The following ERBIN variants were observed in gnomAD, a reference collection of about 807,000 sequenced individuals.
ERBIN encodes densin-180-like protein.
A neutral mutation model predicts 158.4 loss-of-function variants in ERBIN; 60 were observed. That is an observed-to-expected ratio of 0.38 (90% CI 0.31 to 0.47). The LOEUF (loss-of-function observed/expected upper bound fraction) is 0.47, where lower values mean the gene tolerates loss of function less well. Among genes scored for constraint, ERBIN ranks in the 20% least tolerant of loss-of-function variants. The probability of loss-of-function intolerance (pLI) is 0.99; values close to 1 mark genes in which losing one functional copy is unlikely to be tolerated. For missense variants in ERBIN, 1,610 were observed against 1,648.0 expected (o/e 0.98, Z 0.40); for synonymous variants, 594 against 557.2 (o/e 1.07, Z -0.93).
Position 66,079,105 on chromosome 5 carries a change from A to G in ERBIN, c.*575A>G, listed in dbSNP as rs1762256933. ...ACTAAAACAGTTATTTTCTATAAAA[A>G]TCTGGAAGCAAAGAATGGGGATGGG... On this transcript the variant is annotated 3_prime_UTR_variant, in exon 26 of 26. Coordinates refer to ENST00000284037, the MANE Select transcript of ERBIN (RefSeq NM_001253697.2). 6.5e-6 allele frequency: 1 copy of G among 152,774 alleles called. No individual in the cohort carries two copies. The highest frequency in any genetic ancestry group is 1.5e-5 in the Non-Finnish European group (1 of 68,122). 9.5% of individuals were successfully genotyped at this position (152,774 alleles called of 1,614,324 possible). A position where few individuals can be genotyped will look rare whatever the true frequency, so the allele number is the denominator to read the frequency against.
At chr5:66,014,326 C>T (rs1191072533) in intron 6 of ERBIN, among the ~76,000 whole-genome samples, 3 of 152,132 alleles carry the variant, frequency 2.0e-5, no homozygotes, top group Admixed American at 6.6e-5. Context: ...CTCAGAGCAG[C>T]ACTTTAGAGT....
intron 7 of ERBIN, 137 bp downstream of exon 7, chr5:66,014,862 T>C: frequency 5.9e-6 from 3 of 504,904 alleles, no homozygotes. Context: ...TCATATTTAA[T>C]TAATGGTGTT....
chr5:66,055,165 A>G, intron 21 of ERBIN: 2 of 1,183,858 alleles, frequency 1.7e-6, no homozygotes, highest in Non-Finnish European at 1.1e-6. Flanking sequence ...CACTGTTTCT[A>G]ACAAAAATGT....
Position 65,992,748 on chromosome 5 carries a change from G to T in ERBIN, c.30G>T (p.Arg10=). Residue 10 remains arginine (R), a synonymous_variant, in exon 3 of 26, where the codon CGG becomes CGT. Transcript: ENST00000284037. ...CTACAAAACGAAGTTTGTTTGTGCG[G>T]TTGGTACCATGTCGCTGTCTACGAG... MTTKRSLFV[R]LVPCRCLRGE... is the part of the protein sequence containing the mutation. The T allele has an allele frequency of 6.2e-7, 1 of 1,607,572 alleles. No individual in the cohort carries two copies. Among genetic ancestry groups the T allele is most frequent in the Non-Finnish European group, 8.5e-7 (1 of 1,178,100 alleles).
intron 1 of ERBIN, among the ~76,000 whole-genome samples, chr5:65,930,501 G>A (rs1185130524): frequency 6.6e-6 from 1 of 152,094 alleles, no homozygotes; most frequent in Non-Finnish European, 1.5e-5. Context: ...GTAGAGACGC[G>A]GTTTCACCGT....
intron 4 of ERBIN, among the ~76,000 whole-genome samples, chr5:66,010,141 G>GTCT (rs1256419774): frequency 6.6e-6 from 1 of 152,026 alleles, no homozygotes; most frequent in Non-Finnish European, 1.5e-5. Flanking sequence ...TGGGTCCTTA[G>GTCT]TCTTCCTCTC....
At chr5:65,990,464 G>A (rs1039697680) in intron 2 of ERBIN, among the ~76,000 whole-genome samples, 1 of 151,872 alleles carries the variant, frequency 6.6e-6, no homozygotes, top group Non-Finnish European at 1.5e-5. Context: ...GTCAGGAGAT[G>A]GAGACCATCC....
At chr5:65,930,599 C>T (rs1229642281) in intron 1 of ERBIN, among the ~76,000 whole-genome samples, 2 of 152,218 alleles carry the variant, frequency 1.3e-5, no homozygotes, top group African/African-American at 4.8e-5. Flanking sequence ...TGAGCCACCG[C>T]TCCCGGCCAT....
At chr5:66,049,323 C>G (rs1668652300) in intron 19 of ERBIN, among the ~76,000 whole-genome samples, 1 of 152,062 alleles carries the variant, frequency 6.6e-6, no homozygotes, top group South Asian at 2.1e-4. Context: ...CCCCTCCCCT[C>G]TAGCACCTGA....
rs1378640712 is a variant in ERBIN at position 66,079,948 on chromosome 5, T to TG, written c.*1420dup. 6.6e-6 allele frequency: 1 copy of TG among 152,164 alleles called. No homozygotes were observed. Among genetic ancestry groups the TG allele is most frequent in the African/African-American group, 2.4e-5 (1 of 41,446 alleles). 9.4% of individuals were successfully genotyped at this position (152,164 alleles called of 1,614,324 possible). A position where few individuals can be genotyped will look rare whatever the true frequency, so the allele number is the denominator to read the frequency against. ...CAAATAAAATTTGAGTAACATGTAATGGTAAGGATTAATGCATGGTTATTT... is the reference window on the plus strand; with the variant it reads ...CAAATAAAATTTGAGTAACATGTAATGGGTAAGGATTAATGCATGGTTATTT... On this transcript the variant is annotated 3_prime_UTR_variant, in exon 26 of 26. Coordinates refer to ENST00000284037, the MANE Select transcript of ERBIN (RefSeq NM_001253697.2).
At chr5:66,008,774 G>A (rs1330594873) in intron 4 of ERBIN, among the ~76,000 whole-genome samples, 1 of 152,134 alleles carries the variant, frequency 6.6e-6, no homozygotes, top group Non-Finnish European at 1.5e-5. Flanking sequence ...ATGCCAGTGA[G>A]AACTGTATAG....
At chr5:65,949,174 G>A (rs1345669417) in intron 1 of ERBIN, among the ~76,000 whole-genome samples, 1 of 152,084 alleles carries the variant, frequency 6.6e-6, no homozygotes, top group Non-Finnish European at 1.5e-5. Flanking sequence ...TTCTCCACAA[G>A]GGCTACTTGA....
At chr5:66,057,437 AAC>A (rs1371898924) in intron 21 of ERBIN, among the ~76,000 whole-genome samples, 4 of 152,204 alleles carry the variant, frequency 2.6e-5, no homozygotes, top group Admixed American at 2.6e-4. Flanking sequence ...ATTTTTTTAA[AAC>A]AGCAGAATAT....
intron 1 of ERBIN, among the ~76,000 whole-genome samples, chr5:65,939,239 C>T (rs1222594518): frequency 6.6e-6 from 1 of 151,998 alleles, no homozygotes; most frequent in Admixed American, 6.5e-5. Context: ...GAGGTGGAGA[C>T]CAGCCTGACC....
chr5:66,043,792 A>T (rs533698898), intron 16 of ERBIN, among the ~76,000 whole-genome samples: 2 of 152,254 alleles, frequency 1.3e-5, no homozygotes, highest in East Asian at 3.9e-4. Flanking sequence ...AAATATACGA[A>T]TATCTGAATT....
intron 21 of ERBIN, among the ~76,000 whole-genome samples, chr5:66,056,969 A>G (rs1759647767): frequency 6.6e-6 from 1 of 152,132 alleles, no homozygotes; most frequent in Non-Finnish European, 1.5e-5. Flanking sequence ...TCTTAAATGT[A>G]TGCTGTGTTT....
rs761217820 is a variant in ERBIN at position 65,992,842 on chromosome 5, T to G, written c.124T>G (p.Phe42Val). The G allele has an allele frequency of 1.2e-6, 2 of 1,613,484 alleles. No individual in the cohort carries two copies. Among genetic ancestry groups the G allele is most frequent in the Non-Finnish European group, 1.7e-6 (2 of 1,179,782 alleles). Residue 42 changes from phenylalanine (F) to valine (V), a missense_variant, in exon 3 of 26, where the codon TTT (phenylalanine) becomes GTT (valine). Phe to Val is a conservative substitution (Grantham distance 50). Coordinates refer to ENST00000284037, the MANE Select transcript of ERBIN (RefSeq NM_001253697.2). ...CSLEQVPKEI[F>V]TFEKTLEELY... The stretch of plus-strand genomic sequence containing the variant: ...CTTAGAACAAGTTCCGAAAGAGATT[T>G]TTACTTTTGAAAAAACCTTGGAGGA...
At chr5:66,038,554 T>G in intron 15 of ERBIN, 72 bp downstream of exon 15, 1 of 1,142,746 alleles carries the variant, frequency 8.8e-7, no homozygotes, top group Non-Finnish European at 1.3e-6. Flanking sequence ...GAACTTTAAG[T>G]CTCAGAGACT....
rs1194982535 is a variant in ERBIN at position 66,078,891 on chromosome 5, AT to A, written c.*362del. 5.4e-6 allele frequency: 1 copy of A among 186,714 alleles called. No individual in the cohort carries two copies. The highest frequency in any genetic ancestry group is 1.1e-5 in the Non-Finnish European group (1 of 91,032). The allele number at this position is 186,714 out of a possible 1,614,324, so 11.6% of individuals were successfully genotyped here. ...AGCCTTGATTTTAGCCCAGAGACAG[AT>A]GGCAGAGCTATCTCTCTCATAGCTT... On this transcript the variant is annotated 3_prime_UTR_variant, in exon 26 of 26. Transcript: ENST00000284037.
Sources: gnomAD v4.1 joint callset for allele counts (sites outside exome capture counted in the v4.1 genomes callset) on GRCh38, gnomAD v4.1.1 for gene constraint, MANE v1.5 for transcripts, NCBI Gene and HGNC (gene_info 2026-07-23, HGNC 2026-07-21) for gene names.